Variants in GPSM2 observed in about 807,000 individuals in gnomAD.
GPSM2 encodes G protein-signaling modulator 2.
In GPSM2, 58 loss-of-function variants were observed where a neutral mutation model predicts 78.4. That is an observed-to-expected ratio of 0.74 (90% CI 0.60 to 0.92). The LOEUF (loss-of-function observed/expected upper bound fraction) is 0.92. Ranked by LOEUF, GPSM2 falls within the 40% of genes least tolerant of loss-of-function variation. The pLI is 0.00. For synonymous variants in GPSM2, 224 were observed against 280.2 expected, an observed-to-expected ratio of 0.80 and a Z score of 2.00; for missense variants, 700 against 815.5, an observed-to-expected ratio of 0.86 and a Z score of 1.73.
intron 10 of GPSM2, among the ~76,000 whole-genome samples, chr1:108,913,321 C>G (rs907886816): frequency 3.9e-5 from 6 of 152,304 alleles, no homozygotes; most frequent in African/African-American, 1.4e-4. Context: ...ACCCAAATAT[C>G]TGTCACTAAT....
chr1:108,920,804 G>A (rs1650649259), intron 12 of GPSM2, among the ~76,000 whole-genome samples: 1 of 152,154 alleles, frequency 6.6e-6, no homozygotes, highest in Admixed American at 6.5e-5. Context: ...AAGGTTTGGG[G>A]TCTTAACTAA....
Position 108,885,500 on chromosome 1 carries a change from T to C in GPSM2, c.-23T>C. 7.5e-7 allele frequency: 1 copy of C among 1,330,464 alleles called. No homozygotes were observed. The highest frequency in any genetic ancestry group is 1.1e-6 in the Non-Finnish European group (1 of 924,488). 82.4% of individuals were successfully genotyped at this position (1,330,464 alleles called of 1,614,324 possible). On this transcript the variant is annotated 5_prime_UTR_variant, in exon 2 of 15. Transcript: ENST00000264126. ...GGCACAAAATAAAATAATTTTATTT[T>C]ATTCAGCTTATAATATGACTCGATG...
At chr1:108,912,122 A>G (rs1649800282) in intron 10 of GPSM2, among the ~76,000 whole-genome samples, 1 of 152,136 alleles carries the variant, frequency 6.6e-6, no homozygotes, top group African/African-American at 2.4e-5. Flanking sequence ...AAATTTTATA[A>G]AAGATTTCAG....
At chr1:108,913,670 G>A (rs1043482109) in intron 10 of GPSM2, among the ~76,000 whole-genome samples, 3 of 152,256 alleles carry the variant, frequency 2.0e-5, no homozygotes, top group African/African-American at 7.2e-5. Context: ...AAATTATGAG[G>A]GGAGTTATAC....
chr1:108,932,598 TCA>T lies in GPSM2; in HGVS notation c.*2661_*2662del, dbSNP rs1652188181. On this transcript the variant is annotated 3_prime_UTR_variant, in exon 15 of 15. Transcript: ENST00000264126. ...GGCATGCAAGCAGCATTAATTCCACTCACAGTTACAGTCTATCACCTGGGGCA... is the reference window on the plus strand; with the variant it reads ...GGCATGCAAGCAGCATTAATTCCACTCAGTTACAGTCTATCACCTGGGGCA... The T allele has an allele frequency of 6.6e-6, 1 of 152,210 alleles. No homozygotes were observed. Among genetic ancestry groups the T allele is most frequent in the African/African-American group, 2.4e-5 (1 of 41,444 alleles). 9.4% of individuals were successfully genotyped at this position (152,210 alleles called of 1,614,324 possible).
chr1:108,880,085 C>T (rs912012111), intron 1 of GPSM2, among the ~76,000 whole-genome samples: 15 of 152,174 alleles, frequency 9.9e-5, no homozygotes, highest in African/African-American at 2.9e-4. Flanking sequence ...AAAAGTTTTC[C>T]CTGGTCCTTT....
rs10857987 is a variant in GPSM2 at position 108,885,627 on chromosome 1, G to A, written c.56+49G>A. ...GATGACTTTTAATCCTTATTTTAAA[G>A]TGTTTTTAACTCTGATGACCATTTC... is the stretch of plus-strand genomic sequence containing the variant. On this transcript the variant is annotated intron_variant, in intron 2 of 14. Transcript: ENST00000264126. The A allele has an allele frequency of 0.28, 317,404 of 1,124,092 alleles. 49,178 individuals are homozygous for A. The highest frequency in any genetic ancestry group is 0.53 in the African/African-American group (34,372 of 65,432). The allele number at this position is 1,124,092 out of a possible 1,614,324, so 69.6% of individuals were successfully genotyped here.
intron 10 of GPSM2, among the ~76,000 whole-genome samples, chr1:108,906,551 G>C (rs964745357): frequency 4.1e-5 from 6 of 145,092 alleles, no homozygotes; most frequent in Non-Finnish European, 9.0e-5. Context: ...ACAGGAGCCA[G>C]AGTGCTTTTT....
At chr1:108,919,992 CCT>C (rs1243662014) in intron 12 of GPSM2, among the ~76,000 whole-genome samples, 2 of 151,582 alleles carry the variant, frequency 1.3e-5, no homozygotes, top group Non-Finnish European at 2.9e-5. Context: ...GTGGTAAAAC[CCT>C]GTCTCTACCA....
At chr1:108,915,776 G>C (rs1368451942) in intron 11 of GPSM2, among the ~76,000 whole-genome samples, 1 of 151,844 alleles carries the variant, frequency 6.6e-6, no homozygotes, top group East Asian at 1.9e-4. Flanking sequence ...TTTTAAAAAT[G>C]CTTTTATAAA....
Position 108,897,647 on chromosome 1 carries a change from T to G in GPSM2, c.414+20T>G. 1.9e-6 allele frequency: 3 copies of G among 1,605,004 alleles called. No homozygotes were observed. The highest frequency in any genetic ancestry group is 2.6e-6 in the Non-Finnish European group (3 of 1,172,116). ...GACAAGGTAATACCGCAGCATTAGATGGTAGGCCTAATATTTTCATTCAAA... is the reference window on the plus strand; with the variant it reads ...GACAAGGTAATACCGCAGCATTAGAGGGTAGGCCTAATATTTTCATTCAAA... On this transcript the variant is annotated intron_variant, in intron 4 of 14. Transcript: ENST00000264126.
intron 2 of GPSM2, among the ~76,000 whole-genome samples, chr1:108,886,832 A>T (rs1232856609): frequency 6.6e-6 from 1 of 151,900 alleles, no homozygotes; most frequent in Non-Finnish European, 1.5e-5. Flanking sequence ...CTGATTTTTC[A>T]GAAGAGCCCA....
intron 13 of GPSM2, 122 bp downstream of exon 13, chr1:108,922,698 C>A: frequency 1.2e-6 from 1 of 868,804 alleles, no homozygotes; most frequent in Non-Finnish European, 2.0e-6. Context: ...TCAGGTATAT[C>A]TGAAATGCTG....
In GPSM2 at chr1:108,931,778, C is replaced by CA. The variant is rs1177255178; in HGVS notation, c.*1838_*1839insA. On this transcript the variant is annotated 3_prime_UTR_variant, in exon 15 of 15. Transcript: ENST00000264126. The stretch of plus-strand genomic sequence containing the variant: ...AATTCAGTTAAGACAATATACCAAA[C>CA]CACAACGTAAAAAGTTTGTGTATAC... 3.1e-5 allele frequency: 7 copies of CA among 227,512 alleles called. No homozygotes were observed. The East Asian group carries it at 6.6e-4, about 21-fold the overall frequency. The allele number at this position is 227,512 out of a possible 1,614,324, so 14.1% of individuals were successfully genotyped here. A position where few individuals can be genotyped will look rare whatever the true frequency, so the allele number is the denominator to read the frequency against.
intron 7 of GPSM2, among the ~76,000 whole-genome samples, chr1:108,900,693 A>G (rs940451790): frequency 3.3e-5 from 5 of 152,244 alleles, no homozygotes; most frequent in African/African-American, 1.2e-4. Flanking sequence ...ATCAAAGAAT[A>G]ATGGTATGCC....
chr1:108,919,400 C>T (rs1261770582), intron 12 of GPSM2, among the ~76,000 whole-genome samples: 1 of 152,174 alleles, frequency 6.6e-6, no homozygotes, highest in Non-Finnish European at 1.5e-5. Context: ...CTACTCAGCT[C>T]AGAAGGCAGA....
intron 2 of GPSM2, among the ~76,000 whole-genome samples, chr1:108,888,142 C>T (rs529399859): frequency 1.3e-5 from 2 of 152,340 alleles, no homozygotes; most frequent in Admixed American, 1.3e-4. Context: ...ACCTCTGCCT[C>T]TCAGGTTCAA....
At chr1:108,906,713 A>G (rs998603092) in intron 10 of GPSM2, among the ~76,000 whole-genome samples, 2 of 152,166 alleles carry the variant, frequency 1.3e-5, no homozygotes, top group Non-Finnish European at 2.9e-5. Flanking sequence ...CCCCATCTCT[A>G]CTAAAAATAC....
chr1:108,897,502 G>A lies in GPSM2; in HGVS notation c.289G>A (p.Asp97Asn), dbSNP rs1382352786. The A allele has an allele frequency of 6.2e-6, 10 of 1,612,594 alleles. 1 individual carries two copies. The South Asian group carries it at 1.1e-4, about 18-fold the overall frequency. Reference sequence around the variant, plus strand: ...TTTTGTTTTTTTCAGGACTATTGGAGACCAGCTGGGGGAAGCGAAAGCTAG... The same window carrying A: ...TTTTGTTTTTTTCAGGACTATTGGAAACCAGCTGGGGGAAGCGAAAGCTAG... ...HDLTLARTIG[D>N]QLGEAKASGN... Residue 97 changes from aspartate to asparagine, a missense_variant, in exon 4 of 15, where the codon GAC becomes AAC. Coordinates refer to ENST00000264126, the MANE Select transcript of GPSM2 (RefSeq NM_013296.5).
Sources: allele counts gnomAD v4.1 joint callset (sites outside exome capture counted in the v4.1 genomes callset), GRCh38; gene constraint gnomAD v4.1.1; transcripts MANE v1.5; gene names NCBI Gene and HGNC (gene_info 2026-07-23, HGNC 2026-07-21).